LCORL: variants seen among roughly 807,000 people sequenced by gnomAD.
The protein encoded by LCORL is ligand dependent nuclear receptor corepressor like.
Under a neutral mutation model 141.8 loss-of-function variants are expected in LCORL, and 41 were observed. That is an observed-to-expected ratio of 0.29 (90% confidence interval 0.23 to 0.38). The LOEUF (loss-of-function observed/expected upper bound fraction) is 0.38, where lower values mean the gene tolerates loss of function less well. Among genes scored for constraint, LCORL ranks in the 10% least tolerant of loss-of-function variants. LCORL has a pLI of 1.00. For synonymous variants in LCORL, 618 were observed against 694.1 expected, an observed-to-expected ratio of 0.89 and a Z score of 1.72; for missense variants, 1,759 against 2,035.0, an observed-to-expected ratio of 0.86 and a Z score of 2.61.
chr4:17,919,387 T>A (rs1312234752), intron 4 of LCORL, among the ~76,000 whole-genome samples: 2 of 152,142 alleles, frequency 1.3e-5, no homozygotes, highest in African/African-American at 2.4e-5. Context: ...TTCAACTCTA[T>A]TTAAGGGTCA....
chr4:17,845,480 A>G, exon 8 of LCORL: 1 of 344,060 alleles, frequency 2.9e-6, no homozygotes, highest in Non-Finnish European at 5.3e-6. Context: ...TAGGGCATAA[A>G]AAATTCACAT....
intron 4 of LCORL, 108 bp downstream of exon 4, chr4:17,961,792 CAAT>C (rs1255191494): frequency 4.1e-6 from 3 of 737,752 alleles, no homozygotes; most frequent in Non-Finnish European, 6.3e-6. Context: ...AATAAAGAAA[CAAT>C]AAAGAGTGAA....
intron 4 of LCORL, among the ~76,000 whole-genome samples, chr4:17,947,786 G>T (rs187206327): frequency 1.3e-5 from 2 of 152,034 alleles, no homozygotes; most frequent in East Asian, 3.9e-4. Context: ...AGATACCCAC[G>T]TGATATAGGT....
At chr4:17,894,994 C>G (rs1352674732) in intron 5 of LCORL, among the ~76,000 whole-genome samples, 1 of 150,056 alleles carries the variant, frequency 6.7e-6, no homozygotes, top group Non-Finnish European at 1.5e-5. Context: ...ATAATCTTTC[C>G]TCTGATATTT....
In LCORL at chr4:17,985,886, A is replaced by G. The variant is rs143917938; in HGVS notation, c.155-13001T>C. The stretch of plus-strand genomic sequence containing the variant: ...TGTCTGTGTACTTAAGTGTTCTTGT[A>G]TTGGCTAGTAATGATCTTTCCTTTC... On this transcript the variant is annotated intron_variant, in intron 1 of 7. Transcript: ENST00000635767. 3.4e-4 allele frequency among the ~76,000 whole-genome samples: 51 copies of G among 152,212 alleles called. No homozygotes were observed. The South Asian group carries it at 5.8e-3, about 17-fold the overall frequency.
rs143006439 is a variant in LCORL at position 17,865,158 on chromosome 4, A to G, written c.5602+8230T>C. The stretch of plus-strand genomic sequence containing the variant: ...CTAGCAACCATCTTGCTTAACTGAC[A>G]TTTATAGAACACTTCACTCAACGGC... On this transcript the variant is annotated intron_variant, in intron 7 of 7. Coordinates refer to ENST00000635767, the Ensembl canonical transcript of LCORL. 9.8e-5 allele frequency among the ~76,000 whole-genome samples: 15 copies of G among 152,350 alleles called. No individual in the cohort carries two copies. The East Asian group carries it at 2.9e-3, about 29-fold the overall frequency.
intron 4 of LCORL, among the ~76,000 whole-genome samples, chr4:17,951,586 T>A (rs1414338433): frequency 6.6e-6 from 1 of 152,224 alleles, no homozygotes; most frequent in Non-Finnish European, 1.5e-5. Context: ...ACCATCTCCA[T>A]GCTTTATGTC....
At chr4:17,992,548 T>C (rs1720205773) in intron 1 of LCORL, among the ~76,000 whole-genome samples, 1 of 152,238 alleles carries the variant, frequency 6.6e-6, no homozygotes, top group African/African-American at 2.4e-5. Context: ...GCAATGCTTT[T>C]CTATCTACCT....
chr4:17,875,101 C>A, exon 7 of LCORL: 2 of 1,233,504 alleles, frequency 1.6e-6, no homozygotes, highest in South Asian at 8.2e-5. Context: ...CACTGTTGGT[C>A]ATACTTTTCT....
chr4:17,896,686 G>A (rs985110906), intron 5 of LCORL, among the ~76,000 whole-genome samples: 5 of 152,032 alleles, frequency 3.3e-5, no homozygotes, highest in East Asian at 1.9e-4. Context: ...CAGGGTAGAC[G>A]GGGCATCCAT....
chr4:17,842,467 G>A, exon 8 of LCORL: 1 of 1,018,900 alleles, frequency 9.8e-7, no homozygotes, highest in South Asian at 1.4e-5. Flanking sequence ...TTGCGAATGA[G>A]AGAGAATATA....
At chr4:17,988,821 C>T (rs114196262) in intron 1 of LCORL, among the ~76,000 whole-genome samples, 3,719 of 152,060 alleles carry the variant, frequency 0.024, 149 homozygotes, top group African/African-American at 0.085. Context: ...CCTATCTCTA[C>T]GAAAAACACA....
chr4:18,000,211 G>A (rs2109823127), intron 1 of LCORL, among the ~76,000 whole-genome samples: 1 of 149,298 alleles, frequency 6.7e-6, no homozygotes, highest in East Asian at 2.0e-4. Flanking sequence ...GTAAGTGCCA[G>A]AAAGATAGGG....
intron 4 of LCORL, among the ~76,000 whole-genome samples, chr4:17,921,239 G>C (rs895101420): frequency 6.6e-6 from 1 of 151,908 alleles, no homozygotes; most frequent in African/African-American, 2.4e-5. Flanking sequence ...TGTTGGCCAG[G>C]ATGATCTCAA....
chr4:17,901,961 G>A (rs186448451), intron 5 of LCORL, among the ~76,000 whole-genome samples: 16 of 152,164 alleles, frequency 1.1e-4, no homozygotes, highest in African/African-American at 3.6e-4. Context: ...CAATATGGGA[G>A]GTGTGGAGGA....
chr4:17,918,708 A>G (rs1171623781), intron 4 of LCORL, among the ~76,000 whole-genome samples: 3 of 152,210 alleles, frequency 2.0e-5, no homozygotes, highest in Admixed American at 2.0e-4. Context: ...ACAGAGCCTC[A>G]GAGACCTGTG....
intron 4 of LCORL, among the ~76,000 whole-genome samples, chr4:17,928,135 A>G (rs1008657063): frequency 6.6e-6 from 1 of 152,232 alleles, no homozygotes; most frequent in Admixed American, 6.5e-5. Context: ...GGCTGGGCAT[A>G]GTAGCTCAAG....
chr4:17,871,426 A>T lies in LCORL; in HGVS notation c.5602+1962T>A, dbSNP rs146273879. On this transcript the variant is annotated intron_variant, in intron 7 of 7. Coordinates refer to ENST00000635767, the Ensembl canonical transcript of LCORL. The stretch of plus-strand genomic sequence containing the variant: ...GATTTTGAAATTAATTTGAAAAAGT[A>T]GTCACTAGGCATCTTCCATCTTATT... 6.8e-4 allele frequency among the ~76,000 whole-genome samples: 104 copies of T among 152,106 alleles called. 1 individual carries two copies. The highest frequency in any genetic ancestry group is 2.4e-3 in the African/African-American group (100 of 41,564).
chr4:17,941,855 T>A (rs2109483000), intron 4 of LCORL, among the ~76,000 whole-genome samples: 1 of 148,218 alleles, frequency 6.7e-6, no homozygotes, highest in East Asian at 1.9e-4. Context: ...TGATAGAATT[T>A]TTTTTTTTTT....
Sources: allele counts gnomAD v4.1 joint callset (sites outside exome capture counted in the v4.1 genomes callset), GRCh38; gene constraint gnomAD v4.1.1; transcripts MANE v1.5; gene names NCBI Gene and HGNC (gene_info 2026-07-23, HGNC 2026-07-21).